KIAA1217: variants seen among roughly 807,000 people sequenced by gnomAD.
The protein encoded by KIAA1217 is sickle tail protein homolog.
A neutral mutation model predicts 163.9 loss-of-function variants in KIAA1217; 88 were observed. That is an observed-to-expected ratio of 0.54 (90% CI 0.45 to 0.64). The LOEUF (loss-of-function observed/expected upper bound fraction) is 0.64, where lower values mean the gene tolerates loss of function less well. KIAA1217 is among the 30% of genes least tolerant of loss of function. The probability of loss-of-function intolerance (pLI) is 0.00; values close to 1 mark genes in which losing one functional copy is unlikely to be tolerated. For synonymous variants in KIAA1217, 903 were observed against 923.1 expected (o/e 0.98, Z 0.39); for missense variants, 2,372 against 2,475.0 (o/e 0.96, Z 0.88).
At chr10:23,864,072 G>GTTATTATTATTATTATTA (rs148144520) in intron 1 of KIAA1217, among the ~76,000 whole-genome samples, 1 of 149,164 alleles carries the variant, frequency 6.7e-6, no homozygotes, top group African/African-American at 2.5e-5. Flanking sequence ...TTGTAAAGTA[G>GTTATTATTATTATTATTA]TTATTATTAT....
At chr10:23,766,594 C>CTTTTTTTT (rs569633830) in intron 1 of KIAA1217, among the ~76,000 whole-genome samples, 1 of 127,728 alleles carries the variant, frequency 7.8e-6, no homozygotes, top group African/African-American at 3.0e-5. Context: ...TTTCTTTTTT[C>CTTTTTTTT]TTTTTTTTTT....
chr10:24,250,856 G>A (rs904722516), intron 2 of KIAA1217, among the ~76,000 whole-genome samples: 3 of 151,116 alleles, frequency 2.0e-5, no homozygotes, highest in Non-Finnish European at 4.4e-5. Context: ...TAAGGAGGTC[G>A]AGAGAGCAGA....
chr10:24,542,854 T>C (rs375563608), intron 18 of KIAA1217, 29 bp from the exon 19 acceptor site: 13 of 1,609,830 alleles, frequency 8.1e-6, no homozygotes, highest in African/African-American at 1.3e-5. Context: ...TTAACGTGTG[T>C]GGTTTCCCTC....
chr10:23,947,035 C>T (rs139979546), intron 1 of KIAA1217, among the ~76,000 whole-genome samples: 5 of 152,246 alleles, frequency 3.3e-5, no homozygotes, highest in East Asian at 1.9e-4. Flanking sequence ...TTTTGCTTGA[C>T]GCTTCTCCTT....
At chr10:24,042,965 C>G (rs530738009) in intron 2 of KIAA1217, among the ~76,000 whole-genome samples, 2 of 152,256 alleles carry the variant, frequency 1.3e-5, no homozygotes, top group South Asian at 4.2e-4. Flanking sequence ...ACGTATGGTT[C>G]ATTGAAAAGC....
chr10:24,543,057 G>C lies in KIAA1217; in HGVS notation c.3787G>C (p.Val1263Leu). ...CAGTAGAAACTATTCCCAGGAAACT[G>C]TGCCTAAGGCCAGTTTCGGTTTCTC... ...RDSRNYSQET[V>L]PKASFGFSGI... is the part of the protein sequence containing the mutation. The change falls in exon 19 of 21, where the codon GTG becomes CTG. Residue 1263 changes from valine to leucine, a missense_variant. Transcript: ENST00000376454. The C allele has an allele frequency of 6.2e-7, 1 of 1,613,708 alleles. No individual in the cohort carries two copies. Among genetic ancestry groups the C allele is most frequent in the Non-Finnish European group, 8.5e-7 (1 of 1,179,938 alleles).
chr10:24,101,384 G>T (rs80284773), intron 2 of KIAA1217, among the ~76,000 whole-genome samples: 1 of 151,922 alleles, frequency 6.6e-6, no homozygotes, highest in Non-Finnish European at 1.5e-5. Flanking sequence ...TAAAAAAAAA[G>T]TTCTAAAATT....
intron 1 of KIAA1217, among the ~76,000 whole-genome samples, chr10:23,712,670 C>G (rs1294059793): frequency 6.6e-6 from 1 of 151,882 alleles, no homozygotes; most frequent in Non-Finnish European, 1.5e-5. Context: ...GTTGAGTTTT[C>G]TTTTCATAGA....
At chr10:24,203,480 G>A (rs1422017472) in intron 2 of KIAA1217, among the ~76,000 whole-genome samples, 1 of 152,032 alleles carries the variant, frequency 6.6e-6, no homozygotes, top group Non-Finnish European at 1.5e-5. Flanking sequence ...GTTGGTGGGG[G>A]AAACAGGGAG....
rs1564422444 is a variant in KIAA1217, at chr10:23,790,277, G to GCATATATA, written c.-321+95048_-321+95049insATACATAT. On this transcript the variant is annotated intron_variant, in intron 1 of 18. Transcript: ENST00000376462. Reference sequence around the variant, plus strand: ...TATGCACATATGCATATGCACATATGCATATGCACATATGCATATGCACAT... The same window carrying GCATATATA: ...TATGCACATATGCATATGCACATATGCATATATACATATGCACATATGCATATGCACAT... Among the ~76,000 whole-genome samples, 103 of 95,146 alleles carry GCATATATA rather than the reference G, an allele frequency of 1.1e-3. 49 individuals carry two copies. The East Asian group carries it at 0.012, about 11-fold the overall frequency. The allele number at this position is 95,146 out of a possible 152,430, so 62.4% of individuals were successfully genotyped here.
chr10:24,288,852 G>A (rs377690455), intron 2 of KIAA1217, among the ~76,000 whole-genome samples: 2 of 152,202 alleles, frequency 1.3e-5, no homozygotes, highest in South Asian at 4.1e-4. Context: ...ACTTAATCCT[G>A]TAGGCACTGG....
intron 1 of KIAA1217, among the ~76,000 whole-genome samples, chr10:23,869,551 G>A (rs779985449): frequency 9.2e-5 from 14 of 151,846 alleles, no homozygotes; most frequent in Non-Finnish European, 1.9e-4. Flanking sequence ...TGTCTCAATC[G>A]GTCGTGAGGT....
At chr10:24,075,416 C>A (rs1274556043) in intron 2 of KIAA1217, among the ~76,000 whole-genome samples, 1 of 151,698 alleles carries the variant, frequency 6.6e-6, no homozygotes, top group Non-Finnish European at 1.5e-5. Context: ...TGAGTTTATT[C>A]TTTCCAGTTT....
At chr10:24,359,078 CTTTCTT>C (rs1192395543) in intron 2 of KIAA1217, among the ~76,000 whole-genome samples, 5 of 81,400 alleles carry the variant, frequency 6.1e-5, no homozygotes, top group African/African-American at 1.2e-4. Context: ...TTCTTTCTTT[CTTTCTT>C]TTTTTTTTTT....
chr10:24,063,035 A>T (rs2060793467), intron 2 of KIAA1217, among the ~76,000 whole-genome samples: 1 of 151,770 alleles, frequency 6.6e-6, no homozygotes, highest in African/African-American at 2.4e-5. Context: ...GATTCTGGAT[A>T]TTAGCCCTTT....
intron 1 of KIAA1217, among the ~76,000 whole-genome samples, chr10:23,956,851 CAGCATCAAAACAT>C (rs1844585548): frequency 6.6e-6 from 1 of 152,142 alleles, no homozygotes. Context: ...ATTACGAGGA[CAGCATCAAAACAT>C]TCATGAAGGA....
chr10:23,819,905 G>A (rs987070927), intron 1 of KIAA1217, among the ~76,000 whole-genome samples: 8 of 152,064 alleles, frequency 5.3e-5, no homozygotes, highest in African/African-American at 1.4e-4. Context: ...GTTTCTCTCC[G>A]TGTAAAATAA....
At chr10:24,005,749 T>A (rs4272696) in intron 1 of KIAA1217, among the ~76,000 whole-genome samples, 48,451 of 152,028 alleles carry the variant, frequency 0.32, 7,929 homozygotes, top group South Asian at 0.39. Context: ...CACAGTTTTG[T>A]TGTCATTCAG....
chr10:24,124,060 A>G (rs2063381567), intron 2 of KIAA1217, among the ~76,000 whole-genome samples: 1 of 152,208 alleles, frequency 6.6e-6, no homozygotes, highest in African/African-American at 2.4e-5. Flanking sequence ...TAATATAATT[A>G]AATGTCAACA....
Sources: gnomAD v4.1 joint callset for allele counts (sites outside exome capture counted in the v4.1 genomes callset) on GRCh38, gnomAD v4.1.1 for gene constraint, MANE v1.5 for transcripts, NCBI Gene and HGNC (gene_info 2026-07-23, HGNC 2026-07-21) for gene names.